Variants in SDK1 observed in about 807,000 individuals in gnomAD.
The protein encoded by SDK1 is sidekick cell adhesion molecule 1, also known as protein sidekick-1.
SDK1 carries 157 observed loss-of-function variants against 245.5 expected under a neutral mutation model. That is an observed-to-expected ratio of 0.64 (90% confidence interval 0.56 to 0.73). The LOEUF (loss-of-function observed/expected upper bound fraction) is 0.73. SDK1 is among the 30% of genes least tolerant of loss of function. The pLI is 0.00. For missense variants in SDK1, 3,583 were observed against 3,002.3 expected (o/e 1.19, Z -4.52); for synonymous variants, 1,647 against 1,278.5 (o/e 1.29, Z -6.15).
chr7:3,830,957 A>C (rs1015094753), intron 5 of SDK1, among the ~76,000 whole-genome samples: 2 of 152,336 alleles, frequency 1.3e-5, no homozygotes, highest in African/African-American at 4.8e-5. Context: ...GTGACCCAAG[A>C]TTATAACTTA....
At chr7:4,061,858 C>T (rs1779563471) in intron 19 of SDK1, among the ~76,000 whole-genome samples, 3 of 151,392 alleles carry the variant, frequency 2.0e-5, no homozygotes, top group Admixed American at 2.0e-4. Flanking sequence ...TGGAAATCAT[C>T]ATTCTCAGTA....
At chr7:3,568,961 A>G (rs1305164381) in intron 1 of SDK1, among the ~76,000 whole-genome samples, 1 of 151,034 alleles carries the variant, frequency 6.6e-6, no homozygotes, top group Non-Finnish European at 1.5e-5. Flanking sequence ...ATTTATTTTT[A>G]GTTTAAGTTC....
intron 5 of SDK1, among the ~76,000 whole-genome samples, chr7:3,910,354 T>C (rs1218176397): frequency 1.3e-5 from 2 of 152,248 alleles, no homozygotes. Context: ...GTATTATGTG[T>C]ACAAAGACTC....
At chr7:3,701,816 C>T (rs757426074) in intron 4 of SDK1, among the ~76,000 whole-genome samples, 8 of 150,644 alleles carry the variant, frequency 5.3e-5, no homozygotes, top group Non-Finnish European at 1.0e-4. Context: ...TAGAAATAGG[C>T]CCACATAAGT....
intron 5 of SDK1, among the ~76,000 whole-genome samples, chr7:3,831,152 T>C (rs1779903486): frequency 6.6e-6 from 1 of 152,204 alleles, no homozygotes; most frequent in Non-Finnish European, 1.5e-5. Context: ...ATTACACAGC[T>C]TGTCTGGAAA....
intron 1 of SDK1, among the ~76,000 whole-genome samples, chr7:3,427,943 C>T (rs976313131): frequency 6.6e-6 from 1 of 151,812 alleles, no homozygotes; most frequent in Non-Finnish European, 1.5e-5. Flanking sequence ...TCAGCTATTT[C>T]TTCTCTAAAC....
At chr7:3,494,914 C>G (rs925005161) in intron 1 of SDK1, among the ~76,000 whole-genome samples, 1 of 152,220 alleles carries the variant, frequency 6.6e-6, no homozygotes, top group East Asian at 1.9e-4. Flanking sequence ...CTCCTTCTCT[C>G]TATCTGCAAC....
At chr7:3,602,629 C>A (rs1781288333) in intron 1 of SDK1, among the ~76,000 whole-genome samples, 1 of 151,648 alleles carries the variant, frequency 6.6e-6, no homozygotes, top group African/African-American at 2.4e-5. Flanking sequence ...TGTAGGTTCC[C>A]TGTTCACTCT....
chr7:3,856,044 G>A (rs1780537315), intron 5 of SDK1, among the ~76,000 whole-genome samples: 1 of 152,116 alleles, frequency 6.6e-6, no homozygotes, highest in Non-Finnish European at 1.5e-5. Flanking sequence ...CATTAATACA[G>A]AACTAACATT....
At chr7:3,390,042 G>C (rs1781708934) in intron 1 of SDK1, among the ~76,000 whole-genome samples, 2 of 152,168 alleles carry the variant, frequency 1.3e-5, no homozygotes, top group Admixed American at 6.5e-5. Context: ...TAGCTGAATT[G>C]TGTCTTAGAG....
chr7:4,122,987 A>C (rs757641466), intron 25 of SDK1, among the ~76,000 whole-genome samples: 8 of 152,186 alleles, frequency 5.3e-5, no homozygotes, highest in Non-Finnish European at 7.3e-5. Context: ...TGAGAAGTTC[A>C]GCTGCGTTCA....
Position 3,619,175 on chromosome 7 carries a change from T to C in SDK1, c.394T>C (p.Trp132Arg), listed in dbSNP as rs1247735197. The change falls in exon 2 of 45, where the codon TGG becomes CGG. Residue 132 changes from tryptophan to arginine, a missense_variant. By Grantham distance (101) the Trp-to-Arg change is moderately radical. Coordinates refer to ENST00000404826, the MANE Select transcript of SDK1 (RefSeq NM_152744.4). ...LVLTCLAEGS[W>R]PLEFKWMRDD... ...TCTCACCTGCCTTGCCGAAGGGAGC[T>C]GGCCTTTGGAGTTCAAGTGGATGCG... The C allele has an allele frequency of 1.2e-6, 2 of 1,614,074 alleles. No homozygotes were observed. The highest frequency in any genetic ancestry group is 1.7e-6 in the Non-Finnish European group (2 of 1,179,946).
At chr7:3,766,211 C>T (rs1780249335) in intron 4 of SDK1, among the ~76,000 whole-genome samples, 1 of 152,136 alleles carries the variant, frequency 6.6e-6, no homozygotes, top group South Asian at 2.1e-4. Context: ...TCCACAGTAT[C>T]TCATTTGCAT....
At chr7:3,772,559 T>A (rs1045144559) in intron 4 of SDK1, among the ~76,000 whole-genome samples, 1 of 152,174 alleles carries the variant, frequency 6.6e-6, no homozygotes, top group African/African-American at 2.4e-5. Context: ...TAATTGCTTT[T>A]AAAAAAAGTA....
intron 5 of SDK1, among the ~76,000 whole-genome samples, chr7:3,901,519 C>T (rs1216946268): frequency 1.3e-5 from 2 of 152,188 alleles, no homozygotes; most frequent in Non-Finnish European, 2.9e-5. Context: ...TGCACCACAT[C>T]AGAGGCCACC....
intron 5 of SDK1, among the ~76,000 whole-genome samples, chr7:3,869,163 T>G (rs1189231225): frequency 6.7e-6 from 1 of 149,422 alleles, no homozygotes. Context: ...CTTTTTTTTT[T>G]TTTTTTTTTT....
At chr7:4,183,261 T>C (rs990989151) in intron 35 of SDK1, among the ~76,000 whole-genome samples, 2 of 152,186 alleles carry the variant, frequency 1.3e-5, no homozygotes, top group African/African-American at 4.8e-5. Flanking sequence ...ATAATAGTGA[T>C]GTTATCTTTA....
In SDK1 at chr7:4,198,752, C is replaced by G. The variant is rs7779906; in HGVS notation, c.5099-7127C>G. On this transcript the variant is annotated intron_variant, in intron 35 of 44. Coordinates refer to ENST00000404826, the MANE Select transcript of SDK1 (RefSeq NM_152744.4). ...GATCCAAGTTCATATCGAGCTCATT[C>G]TGAGGCCTCTGACTTAACCCCTCGA... 6.5e-3 allele frequency among the ~76,000 whole-genome samples: 991 copies of G among 152,086 alleles called. 10 individuals carry two copies. The highest frequency in any genetic ancestry group is 0.023 in the African/African-American group (947 of 41,488).
At chr7:3,775,866 GCGC>G (rs1161344614) in intron 4 of SDK1, among the ~76,000 whole-genome samples, 1 of 152,148 alleles carries the variant, frequency 6.6e-6, no homozygotes, top group Non-Finnish European at 1.5e-5. Context: ...GTGAGCCACC[GCGC>G]CCGGCCTAGT....
Sources: gnomAD v4.1 joint callset for allele counts (sites outside exome capture counted in the v4.1 genomes callset) on GRCh38, gnomAD v4.1.1 for gene constraint, MANE v1.5 for transcripts, NCBI Gene and HGNC (gene_info 2026-07-23, HGNC 2026-07-21) for gene names.